DENND2B: variants seen among roughly 807,000 people sequenced by gnomAD.
The protein encoded by DENND2B is DENN domain containing 2B, also known as DENN domain-containing protein 2B.
A neutral mutation model predicts 116.0 loss-of-function variants in DENND2B; 32 were observed. The ratio of observed to expected loss-of-function variants is 0.28; its 90% CI spans 0.21 to 0.37. DENND2B has a LOEUF of 0.37. Among genes scored for constraint, DENND2B ranks in the 10% least tolerant of loss-of-function variants. The pLI is 1.00. For missense variants in DENND2B, 1,276 were observed against 1,477.7 expected (o/e 0.86, Z 2.24); for synonymous variants, 588 against 583.9 (o/e 1.01, Z -0.10).
At chr11:8,830,437 A>ACTTGTTTAACAAACACTGT in intron 4 of DENND2B, among the ~76,000 whole-genome samples, 1 of 152,176 alleles carries the variant, frequency 6.6e-6, no homozygotes, top group East Asian at 1.9e-4. Context: ...GATATTCTCT[A>ACTTGTTTAACAAACACTGT]CTTGTTTAAC....
At chr11:8,735,750 G>A (rs751450762) in intron 2 of DENND2B, among the ~76,000 whole-genome samples, 8 of 152,230 alleles carry the variant, frequency 5.3e-5, no homozygotes, top group Non-Finnish European at 1.0e-4. Flanking sequence ...CTGAAGGAGG[G>A]TCAGGAGAGT....
intron 1 of DENND2B, among the ~76,000 whole-genome samples, chr11:8,776,030 T>C (rs2057574845): frequency 6.6e-6 from 1 of 151,990 alleles, no homozygotes; most frequent in East Asian, 1.9e-4. Flanking sequence ...TTCCAACCAA[T>C]CTCACTTTCC....
At chr11:8,811,419 G>T, upstream of DENND2B, 1 of 397,882 alleles carries the variant, frequency 2.5e-6, no homozygotes. Context: ...CGACAAACCT[G>T]ATACAAATAC....
Position 8,715,293 on chromosome 11 carries a change from G to A in DENND2B, c.1845+310C>T, listed in dbSNP as rs60490554. Among the ~76,000 whole-genome samples the A allele has an allele frequency of 2.4e-4, 36 of 152,272 alleles. No homozygotes were observed. The East Asian group carries it at 6.9e-3, about 29-fold the overall frequency. On this transcript the variant is annotated intron_variant, in intron 6 of 19. Coordinates refer to ENST00000313726, the MANE Select transcript of DENND2B (RefSeq NM_213618.2). ...ACCCTTGTTTGAGTCCTAGGTCCTTGAAAGCCTGGAAATGCTTATGTGTGC... is the reference window on the plus strand; with the variant it reads ...ACCCTTGTTTGAGTCCTAGGTCCTTAAAAGCCTGGAAATGCTTATGTGTGC...
At chr11:8,852,588 C>A (rs1411037848) in intron 3 of DENND2B, among the ~76,000 whole-genome samples, 2 of 152,170 alleles carry the variant, frequency 1.3e-5, no homozygotes, top group Non-Finnish European at 2.9e-5. Context: ...TTCTGAGATG[C>A]CAGAAATGCT....
chr11:8,738,854 A>G (rs2049627451), intron 2 of DENND2B, among the ~76,000 whole-genome samples: 1 of 152,120 alleles, frequency 6.6e-6, no homozygotes. Context: ...TCAATCCTGT[A>G]TCCCACCCTT....
At chr11:8,823,921 G>C (rs1467001123) in intron 4 of DENND2B, among the ~76,000 whole-genome samples, 2 of 84,210 alleles carry the variant, frequency 2.4e-5, no homozygotes, top group Non-Finnish European at 4.5e-5. Flanking sequence ...TTTTTTTTTT[G>C]AGATGGAGTC....
At chr11:8,694,844 G>A (rs888319138) in intron 19 of DENND2B, among the ~76,000 whole-genome samples, 1 of 152,130 alleles carries the variant, frequency 6.6e-6, no homozygotes, top group Non-Finnish European at 1.5e-5. Flanking sequence ...AGTATTACTT[G>A]AGCCCAGGAG....
intron 1 of DENND2B, among the ~76,000 whole-genome samples, chr11:8,906,506 C>CT (rs200400752): frequency 0.045 from 2,987 of 66,358 alleles, 41 homozygotes; most frequent in South Asian, 0.067. Flanking sequence ...GCCAAGAAGT[C>CT]TTCAAAAAAA....
At chr11:8,765,382 A>C (rs1220755928) in intron 1 of DENND2B, among the ~76,000 whole-genome samples, 1 of 152,258 alleles carries the variant, frequency 6.6e-6, no homozygotes, top group African/African-American at 2.4e-5. Context: ...ATACTGCTAA[A>C]TATTTTAAAT....
chr11:8,699,795 G>A (rs2041175981), intron 14 of DENND2B: 3 of 454,948 alleles, frequency 6.6e-6, no homozygotes, highest in Non-Finnish European at 1.3e-5. Context: ...TAGGCAAGAG[G>A]GACAAAGAAC....
chr11:8,714,148 C>T, intron 7 of DENND2B, 106 bp from the exon 8 acceptor site: 1 of 1,114,680 alleles, frequency 9.0e-7, no homozygotes, highest in Admixed American at 1.8e-5. Context: ...TCTACCTTCT[C>T]TGGGCTACTC....
chr11:8,698,276 G>A (rs1457468704), intron 16 of DENND2B, among the ~76,000 whole-genome samples: 1 of 151,656 alleles, frequency 6.6e-6, no homozygotes, highest in Non-Finnish European at 1.5e-5. Flanking sequence ...AGGAGGCACA[G>A]TTGGCTTGGG....
chr11:8,850,134 C>T (rs1267878519), intron 3 of DENND2B, among the ~76,000 whole-genome samples: 1 of 151,640 alleles, frequency 6.6e-6, no homozygotes, highest in East Asian at 1.9e-4. Context: ...TACCCAGTCA[C>T]ACACACACAC....
rs2047939244 is a variant in DENND2B at position 8,730,495 on chromosome 11, G to A, written c.795C>T (p.Pro265=). The A allele has an allele frequency of 6.2e-7, 1 of 1,612,422 alleles. No individual in the cohort carries two copies. Among genetic ancestry groups the A allele is most frequent in the African/African-American group, 1.3e-5 (1 of 75,064 alleles). ...RLEKRLGRSE[P]SAFLRGHGSR... is the part of the protein sequence containing the mutation. Reference sequence around the variant, plus strand: ...TGCCATGCCCCCTGAGGAAGGCGCTGGGCTCACTCCGGCCCAGCCGTTTCT... The same window carrying A: ...TGCCATGCCCCCTGAGGAAGGCGCTAGGCTCACTCCGGCCCAGCCGTTTCT... The change falls in exon 3 of 20, where the codon CCC becomes CCT. Residue 265 remains proline (P), a synonymous_variant. Coordinates refer to ENST00000313726, the MANE Select transcript of DENND2B (RefSeq NM_213618.2). The surrounding 1 kb of genome is among the most constrained non-coding windows in gnomAD (Gnocchi z 4.1).
intron 11 of DENND2B, chr11:8,708,495 C>T (rs1267502313): frequency 2.0e-5 from 6 of 293,722 alleles, no homozygotes; most frequent in African/African-American, 1.1e-4. Flanking sequence ...AAGCCATTGC[C>T]TAAGGCCACC....
chr11:8,711,367 G>A (rs991499956), intron 9 of DENND2B, 136 bp from the exon 10 acceptor site: 10 of 686,470 alleles, frequency 1.5e-5, no homozygotes, highest in Admixed American at 1.2e-4. Flanking sequence ...GTCCCACTCC[G>A]AATTCTTACA....
At chr11:8,708,704 C>A (rs1209327124) in intron 11 of DENND2B, among the ~76,000 whole-genome samples, 1 of 152,194 alleles carries the variant, frequency 6.6e-6, no homozygotes, top group Non-Finnish European at 1.5e-5. Flanking sequence ...GTAATTCCAG[C>A]ACTTTGGGAG....
At chr11:8,799,561 CTTTTTTTTT>C (rs67190732) in intron 1 of DENND2B, among the ~76,000 whole-genome samples, 11 of 114,056 alleles carry the variant, frequency 9.6e-5, no homozygotes, top group African/African-American at 3.2e-4. Context: ...TCCTTTTTCT[CTTTTTTTTT>C]TTTTTTTTTT....
Sources: allele counts gnomAD v4.1 joint callset (sites outside exome capture counted in the v4.1 genomes callset), GRCh38; gene constraint gnomAD v4.1.1; non-coding constraint Gnocchi (gnomAD v3.1); transcripts MANE v1.5; gene names NCBI Gene and HGNC (gene_info 2026-07-23, HGNC 2026-07-21).